NEK10: variants seen among roughly 807,000 people sequenced by gnomAD.
The protein encoded by NEK10 is NIMA related kinase 10, also known as serine/threonine-protein kinase Nek10.
A neutral mutation model predicts 159.8 loss-of-function variants in NEK10; 122 were observed. That is an observed-to-expected ratio of 0.76 (90% confidence interval 0.66 to 0.89). NEK10 has a LOEUF of 0.89. Among genes scored for constraint, NEK10 ranks in the 40% least tolerant of loss-of-function variants. NEK10 has a pLI of 0.00. For missense variants in NEK10, 1,342 were observed against 1,323.1 expected, an observed-to-expected ratio of 1.01 and a Z score of -0.22; for synonymous variants, 466 against 457.1, an observed-to-expected ratio of 1.02 and a Z score of -0.25.
At chr3:27,287,813 G>T in intron 19 of NEK10, 70 bp from the exon 20 acceptor site, 1 of 1,413,344 alleles carries the variant, frequency 7.1e-7, no homozygotes, top group Admixed American at 2.9e-5. Context: ...TGACTACTTA[G>T]TTGGACTTCA....
At chr3:27,231,870 A>G (rs1297958984) in intron 23 of NEK10, among the ~76,000 whole-genome samples, 1 of 151,858 alleles carries the variant, frequency 6.6e-6, no homozygotes, top group Non-Finnish European at 1.5e-5. Flanking sequence ...ACAAAAAGCC[A>G]GGACAAGACA....
At chr3:27,190,920 C>T (rs1949053392) in intron 26 of NEK10, among the ~76,000 whole-genome samples, 2 of 152,174 alleles carry the variant, frequency 1.3e-5, no homozygotes, top group African/African-American at 2.4e-5. Flanking sequence ...AAGTTATATG[C>T]TCCTTTACAT....
At chr3:27,129,209 T>G (rs996450453) in intron 32 of NEK10, among the ~76,000 whole-genome samples, 2 of 152,186 alleles carry the variant, frequency 1.3e-5, no homozygotes, top group African/African-American at 4.8e-5. Flanking sequence ...AAGAGCTTAA[T>G]GTCTTAGAAA....
intron 31 of NEK10, among the ~76,000 whole-genome samples, chr3:27,137,311 A>C (rs1943323753): frequency 6.6e-6 from 1 of 152,166 alleles, no homozygotes; most frequent in Admixed American, 6.5e-5. Context: ...TAATAGTTTT[A>C]CTCTTGCTTT....
At chr3:27,192,274 G>T (rs776766930) in intron 25 of NEK10, 32 bp from the exon 26 acceptor site, 4 of 1,533,112 alleles carry the variant, frequency 2.6e-6, no homozygotes. Context: ...ATAACACTCT[G>T]GTCAATGTTG....
chr3:27,169,931 G>C (rs1310815025), intron 29 of NEK10, among the ~76,000 whole-genome samples: 1 of 152,158 alleles, frequency 6.6e-6, no homozygotes, highest in African/African-American at 2.4e-5. Flanking sequence ...GGTGACATGA[G>C]AATGGAATAA....
intron 5 of NEK10, among the ~76,000 whole-genome samples, chr3:27,339,803 A>G (rs552768854): frequency 6.5e-4 from 98 of 150,426 alleles, no homozygotes; most frequent in African/African-American, 2.3e-3. Flanking sequence ...AAAACCCACA[A>G]TGAGATAGCA....
intron 22 of NEK10, among the ~76,000 whole-genome samples, chr3:27,268,233 A>G (rs534097179): frequency 6.6e-6 from 1 of 152,364 alleles, no homozygotes; most frequent in East Asian, 1.9e-4. Flanking sequence ...CAATTCTGAT[A>G]TAGAAGCTAT....
At chr3:27,340,265 C>A (rs1217835656) in intron 5 of NEK10, among the ~76,000 whole-genome samples, 1 of 152,102 alleles carries the variant, frequency 6.6e-6, no homozygotes, top group Non-Finnish European at 1.5e-5. Flanking sequence ...GAACAGAAAA[C>A]CAAACACCGC....
chr3:27,132,040 C>T, intron 31 of NEK10, 50 bp from the exon 32 acceptor site: 1 of 1,015,160 alleles, frequency 9.9e-7, no homozygotes, highest in African/African-American at 1.6e-5. Flanking sequence ...TAACACTACA[C>T]AGCTGACTAC....
Position 27,317,800 on chromosome 3 carries a change from T to A in NEK10, c.448-3462A>T, listed in dbSNP as rs563027911. Among the ~76,000 whole-genome samples, 510 of 151,952 alleles carry A rather than the reference T, an allele frequency of 3.4e-3. 2 individuals are homozygous for A. Among genetic ancestry groups the A allele is most frequent in the African/African-American group, 0.011 (454 of 41,458 alleles). On this transcript the variant is annotated intron_variant, in intron 6 of 35. Coordinates refer to ENST00000691995, the MANE Select transcript of NEK10 (RefSeq NM_001394966.1). Reference sequence around the variant, plus strand: ...CATAAAGTTTATTTATTTATTTATTTATTATTTATTTATTTATTTTGAGAC... The same window carrying A: ...CATAAAGTTTATTTATTTATTTATTAATTATTTATTTATTTATTTTGAGAC...
At chr3:27,240,679 T>G (rs1954451623) in intron 23 of NEK10, among the ~76,000 whole-genome samples, 2 of 145,062 alleles carry the variant, frequency 1.4e-5, no homozygotes, top group African/African-American at 2.6e-5. Context: ...TGAGACAGAG[T>G]CTCACTGTGT....
chr3:27,162,260 A>G, intron 30 of NEK10: 2 of 942,394 alleles, frequency 2.1e-6, no homozygotes, highest in Non-Finnish European at 3.0e-6. Flanking sequence ...ACAGCCCATA[A>G]TATTTCAACC....
chr3:27,314,490 C>A (rs146559933), intron 6 of NEK10, among the ~76,000 whole-genome samples, 152 bp from the exon 7 acceptor site: 19 of 152,214 alleles, frequency 1.2e-4, no homozygotes, highest in African/African-American at 4.6e-4. Flanking sequence ...TACAGTATGT[C>A]ATTCATACTA....
At chr3:27,357,790 T>C (rs1446005348) in intron 1 of NEK10, among the ~76,000 whole-genome samples, 1 of 152,176 alleles carries the variant, frequency 6.6e-6, no homozygotes, top group Non-Finnish European at 1.5e-5. Flanking sequence ...GAATCTCTAA[T>C]TGAGAACCAC....
intron 31 of NEK10, among the ~76,000 whole-genome samples, chr3:27,136,103 A>ATTTT (rs775843715): frequency 3.3e-5 from 2 of 60,678 alleles, no homozygotes. Context: ...TAGGAGATCG[A>ATTTT]TTTTTTTTTT....
intron 33 of NEK10, 109 bp from the exon 34 acceptor site, chr3:27,116,236 A>G (rs1940406553): frequency 1.3e-5 from 12 of 929,592 alleles, no homozygotes; most frequent in East Asian, 2.6e-5. Context: ...CAATTTCTTA[A>G]TGATAAAGAT....
intron 23 of NEK10, among the ~76,000 whole-genome samples, chr3:27,202,892 CA>C (rs781695724): frequency 2.6e-5 from 4 of 152,162 alleles, no homozygotes; most frequent in Non-Finnish European, 4.4e-5. Flanking sequence ...AGCTTCTGTA[CA>C]TCCCATCCTT....
chr3:27,313,678 A>G (rs2044899076), intron 7 of NEK10, among the ~76,000 whole-genome samples: 2 of 152,156 alleles, frequency 1.3e-5, no homozygotes, highest in South Asian at 2.1e-4. Context: ...ACCATATGGT[A>G]TATACAATGC....
Sources: allele counts gnomAD v4.1 joint callset (sites outside exome capture counted in the v4.1 genomes callset), GRCh38; gene constraint gnomAD v4.1.1; transcripts MANE v1.5; gene names NCBI Gene and HGNC (gene_info 2026-07-23, HGNC 2026-07-21).